Variants in RIT2 observed in about 807,000 individuals in gnomAD.
RIT2 encodes Ras like without CAAX 2.
In RIT2, 24 loss-of-function variants were observed where a neutral mutation model predicts 23.7. That is an observed-to-expected ratio of 1.01 (90% CI 0.73 to 1.43). The LOEUF (loss-of-function observed/expected upper bound fraction) is 1.43. Ranked by LOEUF, RIT2 falls within the 40% of genes most tolerant of loss-of-function variation. The probability of loss-of-function intolerance (pLI) is 0.00; values close to 1 mark genes in which losing one functional copy is unlikely to be tolerated. For missense variants in RIT2, 236 were observed against 266.9 expected (o/e 0.88, Z 0.81); for synonymous variants, 107 against 91.1 (o/e 1.17, Z -0.99).
chr18:42,871,065 C>T (rs1191563947), intron 4 of RIT2, among the ~76,000 whole-genome samples: 1 of 152,140 alleles, frequency 6.6e-6, no homozygotes, highest in Non-Finnish European at 1.5e-5. Context: ...ACATCGTGCA[C>T]TGGGCCACTC....
At chr18:43,105,819 T>C (rs1210574100) in intron 1 of RIT2, among the ~76,000 whole-genome samples, 1 of 152,154 alleles carries the variant, frequency 6.6e-6, no homozygotes, top group Non-Finnish European at 1.5e-5. Context: ...TCATCCCCAT[T>C]TTACAGATGA....
intron 4 of RIT2, among the ~76,000 whole-genome samples, chr18:42,867,312 C>T (rs552454356): frequency 2.0e-5 from 3 of 152,176 alleles, no homozygotes; most frequent in Admixed American, 6.5e-5. Flanking sequence ...GTCCTGTATT[C>T]CTGATTCGGT....
intron 3 of RIT2, among the ~76,000 whole-genome samples, chr18:42,960,270 A>G (rs1489462363): frequency 6.6e-6 from 1 of 152,112 alleles, no homozygotes; most frequent in Non-Finnish European, 1.5e-5. Flanking sequence ...TTTGGAAGCA[A>G]TTCTTTGAGG....
At chr18:42,966,625 A>AG (rs34704335) in intron 3 of RIT2, among the ~76,000 whole-genome samples, 15,666 of 152,124 alleles carry the variant, frequency 0.1, 1,163 homozygotes, top group East Asian at 0.26. Flanking sequence ...TATGTAGTGA[A>AG]GAAATTTGAC....
At chr18:43,060,033 C>G (rs1010288863) in intron 1 of RIT2, among the ~76,000 whole-genome samples, 1 of 152,052 alleles carries the variant, frequency 6.6e-6, no homozygotes, top group Admixed American at 6.6e-5. Flanking sequence ...GTCTTTATTC[C>G]GTTTGTGAAC....
At chr18:42,752,125 T>C (rs1311044840) in intron 4 of RIT2, among the ~76,000 whole-genome samples, 1 of 152,104 alleles carries the variant, frequency 6.6e-6, no homozygotes, top group Non-Finnish European at 1.5e-5. Context: ...CTTACTATTA[T>C]GGTCCATTTG....
At chr18:42,824,122 T>C (rs1273546391) in intron 4 of RIT2, among the ~76,000 whole-genome samples, 1 of 152,142 alleles carries the variant, frequency 6.6e-6, no homozygotes, top group Non-Finnish European at 1.5e-5. Flanking sequence ...TTACTAATGG[T>C]TCTAGATGCA....
chr18:42,857,447 T>C (rs1907216993), intron 4 of RIT2, among the ~76,000 whole-genome samples: 1 of 152,228 alleles, frequency 6.6e-6, no homozygotes, highest in Non-Finnish European at 1.5e-5. Context: ...CCTGGTATAA[T>C]GTTTTTCCTG....
At chr18:42,947,322 G>A (rs1015489441) in intron 3 of RIT2, among the ~76,000 whole-genome samples, 2 of 152,174 alleles carry the variant, frequency 1.3e-5, no homozygotes, top group East Asian at 1.9e-4. Flanking sequence ...GTTGACAGCT[G>A]GATTGATTAA....
chr18:42,753,780 C>A (rs1425577215), intron 4 of RIT2, among the ~76,000 whole-genome samples: 3 of 152,072 alleles, frequency 2.0e-5, no homozygotes, highest in African/African-American at 4.8e-5. Flanking sequence ...ATATTAATGA[C>A]CTTGCCAGTT....
intron 4 of RIT2, among the ~76,000 whole-genome samples, chr18:42,779,650 C>T (rs1432624906): frequency 6.6e-6 from 1 of 152,090 alleles, no homozygotes; most frequent in Non-Finnish European, 1.5e-5. Flanking sequence ...AAATGTAATT[C>T]TCATCCTACA....
chr18:42,806,792 T>G (rs1568000976), intron 4 of RIT2, among the ~76,000 whole-genome samples: 1 of 152,222 alleles, frequency 6.6e-6, no homozygotes, highest in South Asian at 2.1e-4. Flanking sequence ...CTTTAGAAAA[T>G]AAATGATTAC....
intron 3 of RIT2, among the ~76,000 whole-genome samples, chr18:42,962,973 T>C (rs1910126544): frequency 6.6e-6 from 1 of 152,182 alleles, no homozygotes; most frequent in South Asian, 2.1e-4. Context: ...TTTCCAACTC[T>C]TTTGGTCACA....
chr18:43,025,081 G>T (rs749837297), intron 2 of RIT2, among the ~76,000 whole-genome samples: 7 of 151,864 alleles, frequency 4.6e-5, no homozygotes, highest in Non-Finnish European at 8.8e-5. Context: ...TGTGGCACGT[G>T]CCTGTAATCA....
chr18:42,944,356 G>A (rs1909674581), intron 3 of RIT2, among the ~76,000 whole-genome samples: 3 of 152,018 alleles, frequency 2.0e-5, no homozygotes, highest in Admixed American at 6.6e-5. Context: ...TATTTATGTT[G>A]TTTATTGTTT....
At chr18:43,091,716 A>G (rs913346386) in intron 1 of RIT2, among the ~76,000 whole-genome samples, 1 of 152,090 alleles carries the variant, frequency 6.6e-6, no homozygotes, top group Non-Finnish European at 1.5e-5. Flanking sequence ...AAGAAATTGC[A>G]TTATATGCTC....
chr18:42,807,246 G>T (rs557981552), intron 4 of RIT2, among the ~76,000 whole-genome samples: 1 of 152,114 alleles, frequency 6.6e-6, no homozygotes, highest in South Asian at 2.1e-4. Flanking sequence ...TGTTTTCTTG[G>T]TGAATAGGTC....
At chr18:42,827,204 G>A (rs749627669) in intron 4 of RIT2, among the ~76,000 whole-genome samples, 1 of 152,194 alleles carries the variant, frequency 6.6e-6, no homozygotes, top group Non-Finnish European at 1.5e-5. Flanking sequence ...GCATAAGACT[G>A]TGTTATATTT....
intron 4 of RIT2, among the ~76,000 whole-genome samples, chr18:42,849,215 C>A (rs890069206): frequency 6.6e-6 from 1 of 152,150 alleles, no homozygotes; most frequent in Non-Finnish European, 1.5e-5. Flanking sequence ...TGAATATGAT[C>A]CAGTCTAAAA....
Sources: gnomAD v4.1 joint callset for allele counts (sites outside exome capture counted in the v4.1 genomes callset) on GRCh38, gnomAD v4.1.1 for gene constraint, MANE v1.5 for transcripts, NCBI Gene and HGNC (gene_info 2026-07-23, HGNC 2026-07-21) for gene names.